FANCL: variants seen among roughly 807,000 people sequenced by gnomAD.
FANCL encodes the protein E3 ubiquitin-protein ligase FANCL.
A neutral mutation model predicts 59.4 loss-of-function variants in FANCL; 69 were observed. That is an observed-to-expected ratio of 1.16 (90% CI 0.96 to 1.42). The LOEUF is 1.42. FANCL is among the 40% of genes most tolerant of loss of function. The pLI, the probability that FANCL is intolerant of heterozygous loss-of-function variation, is 0.00. For missense variants in FANCL, 519 were observed against 447.2 expected (o/e 1.16, Z -1.45); for synonymous variants, 180 against 147.1 (o/e 1.22, Z -1.62).
At chr2:58,203,995 T>A in intron 6 of FANCL, 135 bp downstream of exon 6, 1 of 760,604 alleles carries the variant, frequency 1.3e-6, no homozygotes, top group Admixed American at 2.0e-5. Flanking sequence ...CTTTGAGGCT[T>A]TCCAAAATCA....
chr2:58,160,844 A>G (rs556111114), intron 12 of FANCL, among the ~76,000 whole-genome samples: 4 of 152,030 alleles, frequency 2.6e-5, no homozygotes, highest in Non-Finnish European at 5.9e-5. Context: ...CTCTAATCAC[A>G]AAAGTAAAGA....
intron 5 of FANCL, among the ~76,000 whole-genome samples, chr2:58,220,225 T>C (rs1388545549): frequency 6.6e-6 from 1 of 152,208 alleles, no homozygotes; most frequent in Non-Finnish European, 1.5e-5. Flanking sequence ...GTACACACTT[T>C]GACTCTTAAT....
intron 3 of FANCL, among the ~76,000 whole-genome samples, chr2:58,227,042 ACT>A (rs1235257764): frequency 2.6e-5 from 4 of 151,996 alleles, no homozygotes; most frequent in Non-Finnish European, 4.4e-5. Context: ...ACCTCACACT[ACT>A]CTGTTTCTTG....
chr2:58,204,977 G>A (rs1013355009), intron 5 of FANCL, among the ~76,000 whole-genome samples: 1 of 151,950 alleles, frequency 6.6e-6, no homozygotes, highest in African/African-American at 2.4e-5. Flanking sequence ...ATAAGCTACT[G>A]CCAAAAAGGT....
At chr2:58,166,243 A>G (rs1195768868) in intron 7 of FANCL, among the ~76,000 whole-genome samples, 3 of 152,158 alleles carry the variant, frequency 2.0e-5, no homozygotes, top group Non-Finnish European at 2.9e-5. Flanking sequence ...CAAAATGTCT[A>G]TAATATTTTA....
Position 58,209,380 on chromosome 2 carries a change from A to AT in FANCL, c.375-5155dup, listed in dbSNP as rs968306938. Among the ~76,000 whole-genome samples, 286 of 150,344 alleles carry AT rather than the reference A, an allele frequency of 1.9e-3. 2 individuals are homozygous for AT. Among genetic ancestry groups the AT allele is most frequent in the African/African-American group, 6.3e-3 (259 of 41,084 alleles). ...CATATTACCAACCTAGAAAAACATG[A>AT]TTTTTTTTTTACTACTAGATAATTT... On this transcript the variant is annotated intron_variant, in intron 5 of 13. Coordinates refer to ENST00000233741, the MANE Select transcript of FANCL (RefSeq NM_018062.4).
intron 7 of FANCL, among the ~76,000 whole-genome samples, chr2:58,175,066 C>G (rs1467259331): frequency 2.6e-5 from 4 of 151,380 alleles, no homozygotes; most frequent in Admixed American, 2.6e-4. Context: ...CACATACTCC[C>G]TCCCAAGACT....
intron 7 of FANCL, among the ~76,000 whole-genome samples, chr2:58,197,029 T>C (rs995525672): frequency 6.6e-6 from 1 of 151,374 alleles, no homozygotes; most frequent in African/African-American, 2.4e-5. Flanking sequence ...AATTCTTTAA[T>C]AGAAAAAAAA....
chr2:58,181,633 A>G (rs1365429204), intron 7 of FANCL, among the ~76,000 whole-genome samples: 1 of 152,024 alleles, frequency 6.6e-6, no homozygotes, highest in Non-Finnish European at 1.5e-5. Context: ...TTATGGGTGG[A>G]AGAAAGGATG....
At chr2:58,236,155 GA>G (rs1264471110) in intron 1 of FANCL, among the ~76,000 whole-genome samples, 3 of 151,374 alleles carry the variant, frequency 2.0e-5, no homozygotes, top group African/African-American at 7.3e-5. Flanking sequence ...CCTTACGGAG[GA>G]AAAACATGAA....
chr2:58,180,810 T>TG (rs1553442246), intron 7 of FANCL, among the ~76,000 whole-genome samples: 1 of 151,962 alleles, frequency 6.6e-6, no homozygotes, highest in Non-Finnish European at 1.5e-5. Flanking sequence ...TAAAGGTTTT[T>TG]TGTGTGTGTG....
intron 5 of FANCL, among the ~76,000 whole-genome samples, chr2:58,219,413 C>A (rs77160702): frequency 3.3e-4 from 50 of 151,450 alleles, no homozygotes; most frequent in African/African-American, 1.2e-3. Context: ...CAGAAAAATT[C>A]CAAATCTGTG....
chr2:58,169,436 C>T (rs552644863), intron 7 of FANCL, among the ~76,000 whole-genome samples: 1 of 152,208 alleles, frequency 6.6e-6, no homozygotes, highest in Admixed American at 6.5e-5. Flanking sequence ...GATAAATCCA[C>T]GACGATGAGG....
chr2:58,160,288 A>T lies in FANCL; in HGVS notation c.1021-109T>A, dbSNP rs1023785646. 3.5e-6 allele frequency: 4 copies of T among 1,153,882 alleles called. No individual in the cohort carries two copies. The Admixed American group carries it at 7.1e-5, about 20-fold the overall frequency. The allele number at this position is 1,153,882 out of a possible 1,614,324, so 71.5% of individuals were successfully genotyped here. ...GTGCATTATGTTTTTATTCCAGAAG[A>T]CTTAGCTTAATTTTGTTTTGCAAGA... On this transcript the variant is annotated intron_variant, in intron 12 of 13. Transcript: ENST00000233741.
Position 58,159,305 on chromosome 2 carries a change from A to T in FANCL, c.*460T>A. 7.0e-7 allele frequency: 1 copy of T among 1,419,170 alleles called. No individual in the cohort carries two copies. Among genetic ancestry groups the T allele is most frequent in the South Asian group, 1.4e-5 (1 of 73,246 alleles). 87.9% of individuals were successfully genotyped at this position (1,419,170 alleles called of 1,614,324 possible). ...ACTACACAAAATAAATACTTGGATAACTCACGTCTAACAAACTAAACTATA... is the reference window on the plus strand; with the variant it reads ...ACTACACAAAATAAATACTTGGATATCTCACGTCTAACAAACTAAACTATA... On this transcript the variant is annotated 3_prime_UTR_variant, in exon 14 of 14. Transcript: ENST00000233741.
At chr2:58,226,075 A>T (rs1008857602) in intron 4 of FANCL, among the ~76,000 whole-genome samples, 2 of 152,118 alleles carry the variant, frequency 1.3e-5, no homozygotes, top group African/African-American at 2.4e-5. Flanking sequence ...TACAATATCC[A>T]GAATTTCCTT....
chr2:58,187,111 C>T lies in FANCL; in HGVS notation c.540+11483G>A, dbSNP rs147963883. ...AACCATGTTACTATAAAAACACATG[C>T]ACACATATGTTTATTGCGGCATGAT... On this transcript the variant is annotated intron_variant, in intron 7 of 13. Coordinates refer to ENST00000233741, the MANE Select transcript of FANCL (RefSeq NM_018062.4). 8.9e-3 allele frequency among the ~76,000 whole-genome samples: 1,356 copies of T among 152,234 alleles called. 12 individuals are homozygous for T. Among genetic ancestry groups the T allele is most frequent in the South Asian group, 0.016 (77 of 4,824 alleles).
chr2:58,222,145 A>G lies in FANCL; in HGVS notation c.274-103T>C. ...TTTCATTATCTTCTTAGTGCCTAAT[A>G]AAAGTGCCTGTTTTTTTACGGAAAT... On this transcript the variant is annotated intron_variant, in intron 4 of 13. Coordinates refer to ENST00000233741, the MANE Select transcript of FANCL (RefSeq NM_018062.4). 10 of 780,616 alleles carry G rather than the reference A, an allele frequency of 1.3e-5. 1 individual carries two copies. The South Asian group carries it at 1.5e-4, about 11-fold the overall frequency. The allele number at this position is 780,616 out of a possible 1,614,324, so 48.4% of individuals were successfully genotyped here. A position where few individuals can be genotyped will look rare whatever the true frequency, so the allele number is the denominator to read the frequency against.
At chr2:58,211,432 G>A (rs925641732) in intron 5 of FANCL, among the ~76,000 whole-genome samples, 5 of 152,176 alleles carry the variant, frequency 3.3e-5, no homozygotes, top group African/African-American at 1.2e-4. Flanking sequence ...CTCCAGGGCT[G>A]TTATGTGAGT....
Sources: allele counts gnomAD v4.1 joint callset (sites outside exome capture counted in the v4.1 genomes callset), GRCh38; gene constraint gnomAD v4.1.1; transcripts MANE v1.5; gene names NCBI Gene and HGNC (gene_info 2026-07-23, HGNC 2026-07-21).